Variants in CCDC73 observed in about 807,000 individuals in gnomAD.
CCDC73 encodes coiled-coil domain-containing protein 73.
In CCDC73, 95 loss-of-function variants were observed where a neutral mutation model predicts 116.5. The ratio of observed to expected loss-of-function variants is 0.82; its 90% CI spans 0.69 to 0.97. The LOEUF is 0.97. Among genes scored for constraint, CCDC73 ranks in the 50% least tolerant of loss-of-function variants. CCDC73 has a pLI of 0.00. For missense variants in CCDC73, 1,066 were observed against 1,206.8 expected, an observed-to-expected ratio of 0.88 and a Z score of 1.73; for synonymous variants, 398 against 401.3, an observed-to-expected ratio of 0.99 and a Z score of 0.10.
chr11:32,623,849 A>C (rs116063317), intron 14 of CCDC73, among the ~76,000 whole-genome samples: 2,265 of 152,260 alleles, frequency 0.015, 60 homozygotes, highest in African/African-American at 0.051. Context: ...TTAATTGCAA[A>C]TGGGAATATA....
At chr11:32,613,134 A>C (rs1307529886) in intron 16 of CCDC73, among the ~76,000 whole-genome samples, 1 of 152,226 alleles carries the variant, frequency 6.6e-6, no homozygotes, top group Non-Finnish European at 1.5e-5. Flanking sequence ...AAAATTGGGC[A>C]AAGAAAGACA....
chr11:32,652,283 G>A (rs1855832253), intron 12 of CCDC73, among the ~76,000 whole-genome samples: 1 of 148,584 alleles, frequency 6.7e-6, no homozygotes, highest in African/African-American at 2.5e-5. Flanking sequence ...CAGCCTGGGT[G>A]ACAGAACAAG....
Position 32,688,700 on chromosome 11 carries a change from T to C in CCDC73, c.391-5126A>G, listed in dbSNP as rs1279627215. ...AAATCATTCAGGAAAATAAGTTCTTTGTATTGTAGTTCCAATATCTCTAAA... is the reference window on the plus strand; with the variant it reads ...AAATCATTCAGGAAAATAAGTTCTTCGTATTGTAGTTCCAATATCTCTAAA... On this transcript the variant is annotated intron_variant, in intron 6 of 17. Coordinates refer to ENST00000335185, the MANE Select transcript of CCDC73 (RefSeq NM_001008391.4). Among the ~76,000 whole-genome samples, 4 of 152,230 alleles carry C rather than the reference T, an allele frequency of 2.6e-5. No homozygotes were observed. In the East Asian group the frequency reaches 7.7e-4, roughly 29 times the overall value.
intron 2 of CCDC73, among the ~76,000 whole-genome samples, chr11:32,742,020 G>A (rs549026341): frequency 6.6e-6 from 1 of 152,178 alleles, no homozygotes; most frequent in African/African-American, 2.4e-5. Context: ...AGTATTCCAT[G>A]GTGTATATGT....
chr11:32,626,233 C>G (rs1037701982), intron 14 of CCDC73, among the ~76,000 whole-genome samples: 5 of 152,008 alleles, frequency 3.3e-5, no homozygotes, highest in Admixed American at 1.3e-4. Context: ...ACAATTGCTT[C>G]AAAGAGAATA....
chr11:32,646,750 C>A (rs1565065572), intron 12 of CCDC73, among the ~76,000 whole-genome samples: 1 of 152,030 alleles, frequency 6.6e-6, no homozygotes, highest in Non-Finnish European at 1.5e-5. Flanking sequence ...TGTATTAATT[C>A]TTTGGTCATT....
At chr11:32,687,403 T>A (rs1427771204) in intron 6 of CCDC73, among the ~76,000 whole-genome samples, 1 of 152,018 alleles carries the variant, frequency 6.6e-6, no homozygotes, top group East Asian at 1.9e-4. Context: ...AAGGAGGACA[T>A]CCACATAAGG....
chr11:32,654,150 C>A, intron 10 of CCDC73, 113 bp from the exon 11 acceptor site: 1 of 924,212 alleles, frequency 1.1e-6, no homozygotes, highest in Non-Finnish European at 1.5e-6. Context: ...CCCCAGAGTA[C>A]CCACATTTGT....
At chr11:32,661,527 A>T (rs1855926348) in intron 9 of CCDC73, among the ~76,000 whole-genome samples, 1 of 139,542 alleles carries the variant, frequency 7.2e-6, no homozygotes, top group Non-Finnish European at 1.5e-5. Context: ...TTCAATTCCC[A>T]CCTGAGAGTG....
intron 2 of CCDC73, among the ~76,000 whole-genome samples, chr11:32,752,017 G>A (rs757119655): frequency 2.6e-5 from 4 of 152,286 alleles, no homozygotes; most frequent in Middle Eastern, 3.4e-3. Context: ...AAATGACAGT[G>A]ACTTCCGCTC....
At chr11:32,776,881 G>T (rs1159872691) in intron 1 of CCDC73, among the ~76,000 whole-genome samples, 1 of 143,734 alleles carries the variant, frequency 7.0e-6, no homozygotes, top group East Asian at 2.0e-4. Flanking sequence ...TCCTCAAATT[G>T]CTTCTCTGAG....
At chr11:32,690,418 C>T (rs966696125) in intron 6 of CCDC73, among the ~76,000 whole-genome samples, 2 of 152,130 alleles carry the variant, frequency 1.3e-5, no homozygotes, top group African/African-American at 4.8e-5. Context: ...TATTAACATC[C>T]CCCACCAGAG....
At chr11:32,668,440 A>G (rs1031610299) in intron 9 of CCDC73, among the ~76,000 whole-genome samples, 1 of 152,204 alleles carries the variant, frequency 6.6e-6, no homozygotes, top group African/African-American at 2.4e-5. Flanking sequence ...TGTAAGTAGA[A>G]AAGAGTAATG....
At position 32,602,723 on chromosome 11, in the gene CCDC73, G is replaced by T; in HGVS notation, c.*88C>A. 1 of 1,060,718 alleles carries T rather than the reference G, an allele frequency of 9.4e-7. No individual in the cohort carries two copies. Among genetic ancestry groups the T allele is most frequent in the Non-Finnish European group, 1.3e-6 (1 of 746,482 alleles). 65.7% of individuals were successfully genotyped at this position (1,060,718 alleles called of 1,614,324 possible). A position where few individuals can be genotyped will look rare whatever the true frequency, so the allele number is the denominator to read the frequency against. On this transcript the variant is annotated 3_prime_UTR_variant, in exon 18 of 18. Coordinates refer to ENST00000335185, the MANE Select transcript of CCDC73 (RefSeq NM_001008391.4). The stretch of plus-strand genomic sequence containing the variant: ...TGGAAAAGCAAAGACAAACTGTAGA[G>T]CTTTAAATACAACAGTCATTTTATT...
intron 2 of CCDC73, among the ~76,000 whole-genome samples, chr11:32,728,168 T>C (rs1048970400): frequency 6.6e-6 from 1 of 152,020 alleles, no homozygotes; most frequent in Admixed American, 6.5e-5. Context: ...GGAGGATTGC[T>C]TAAGCCCAGG....
intron 1 of CCDC73, among the ~76,000 whole-genome samples, chr11:32,768,036 G>A (rs1425827703): frequency 1.3e-5 from 2 of 152,090 alleles, no homozygotes; most frequent in Admixed American, 6.6e-5. Flanking sequence ...TGGTTATTGC[G>A]GCACTATTCA....
intron 2 of CCDC73, among the ~76,000 whole-genome samples, chr11:32,734,123 A>C (rs981525325): frequency 6.6e-6 from 1 of 152,246 alleles, no homozygotes; most frequent in African/African-American, 2.4e-5. Flanking sequence ...ACAAACTACC[A>C]TCAGAGAATA....
At chr11:32,783,956 T>C (rs1340736365) in intron 1 of CCDC73, among the ~76,000 whole-genome samples, 1 of 152,164 alleles carries the variant, frequency 6.6e-6, no homozygotes, top group African/African-American at 2.4e-5. Flanking sequence ...TATTAATAGA[T>C]TATCAACTGT....
intron 17 of CCDC73, chr11:32,605,806 C>G (rs869152008): frequency 6.6e-6 from 1 of 151,826 alleles, no homozygotes; most frequent in African/African-American, 2.4e-5. Flanking sequence ...AATTTTAGTT[C>G]TAGCTGTTTT....
Sources: gnomAD v4.1 joint callset for allele counts (sites outside exome capture counted in the v4.1 genomes callset) on GRCh38, gnomAD v4.1.1 for gene constraint, MANE v1.5 for transcripts, NCBI Gene and HGNC (gene_info 2026-07-23, HGNC 2026-07-21) for gene names.